ATP9B: variants seen among roughly 807,000 people sequenced by gnomAD.
ATP9B encodes the protein ATPase phospholipid transporting 9B, also known as probable phospholipid-transporting ATPase IIB.
In ATP9B, 110 loss-of-function variants were observed where a neutral mutation model predicts 146.1. That is an observed-to-expected ratio of 0.75 (90% CI 0.65 to 0.88). The LOEUF is 0.88. Ranked by LOEUF, ATP9B falls within the 40% of genes least tolerant of loss-of-function variation. ATP9B has a pLI of 0.00. For synonymous variants in ATP9B, 604 were observed against 569.7 expected (o/e 1.06, Z -0.86); for missense variants, 1,499 against 1,496.4 (o/e 1.00, Z -0.03).
At chr18:79,199,937 C>T (rs1268453013) in intron 9 of ATP9B, among the ~76,000 whole-genome samples, 3 of 152,160 alleles carry the variant, frequency 2.0e-5, no homozygotes, top group Admixed American at 6.5e-5. Flanking sequence ...CTGGCAGAAC[C>T]CTGGAAGGAC....
intron 4 of ATP9B, among the ~76,000 whole-genome samples, chr18:79,121,859 T>C (rs1008559782): frequency 6.6e-6 from 1 of 152,210 alleles, no homozygotes; most frequent in Admixed American, 6.5e-5. Flanking sequence ...GACCTAACCC[T>C]CTTTATTCTG....
intron 11 of ATP9B, among the ~76,000 whole-genome samples, chr18:79,220,963 G>A (rs951086608): frequency 5.3e-5 from 8 of 152,078 alleles, no homozygotes; most frequent in Admixed American, 2.6e-4. Context: ...GTCCTCTCCC[G>A]TTGCCCTCTA....
intron 1 of ATP9B, among the ~76,000 whole-genome samples, chr18:79,070,320 C>T (rs2071577684): frequency 6.6e-6 from 1 of 152,092 alleles, no homozygotes; most frequent in South Asian, 2.1e-4. Flanking sequence ...TTTTTGTTTT[C>T]GGCCATTTGA....
At chr18:79,138,013 T>G (rs977753259) in intron 5 of ATP9B, among the ~76,000 whole-genome samples, 1 of 152,244 alleles carries the variant, frequency 6.6e-6, no homozygotes, top group Non-Finnish European at 1.5e-5. Context: ...GGAGGTTTGC[T>G]GTACTTCTTT....
chr18:79,109,600 C>G (rs1249746968), intron 2 of ATP9B, among the ~76,000 whole-genome samples: 1 of 142,258 alleles, frequency 7.0e-6, no homozygotes, highest in African/African-American at 2.6e-5. Flanking sequence ...GAGACTCACT[C>G]TTTCGCCCAG....
intron 2 of ATP9B, among the ~76,000 whole-genome samples, chr18:79,101,302 T>C (rs536865795): frequency 2.2e-4 from 34 of 152,292 alleles, no homozygotes; most frequent in Non-Finnish European, 4.3e-4. Flanking sequence ...TAACTGAAAT[T>C]ACTCAATATG....
rs2073645392 is a variant in ATP9B, at chr18:79,084,809, T to C, written c.120-11667T>C. On this transcript the variant is annotated intron_variant, in intron 1 of 29. Transcript: ENST00000426216. ...AAGTGGAATTATTTTTATTTCATTA[T>C]AATCATACTACTTTAGGACACAGTG... 2.6e-5 allele frequency among the ~76,000 whole-genome samples: 4 copies of C among 152,344 alleles called. No individual in the cohort carries two copies. The South Asian group carries it at 8.3e-4, about 32-fold the overall frequency.
chr18:79,329,206 G>A lies in ATP9B; in HGVS notation c.1839G>A (p.Met613Ile). ...TGGTCAGCAGGGACCTCACCTCCATGCAGCTGAAGACCCCCAGTGGCCAGG... is the reference window on the plus strand; with the variant it reads ...TGGTCAGCAGGGACCTCACCTCCATACAGCTGAAGACCCCCAGTGGCCAGG... ...LTLVSRDLTS[M>I]QLKTPSGQVL... Residue 613 changes from methionine to isoleucine, a missense_variant, in exon 16 of 30, where the codon ATG becomes ATA. By Grantham distance (10) the Met-to-Ile change is conservative. Transcript: ENST00000426216. The A allele has an allele frequency of 6.2e-7, 1 of 1,612,612 alleles. No homozygotes were observed. The highest frequency in any genetic ancestry group is 2.2e-5 in the East Asian group (1 of 44,858).
At chr18:79,090,514 CTGA>C (rs1568151643) in intron 1 of ATP9B, among the ~76,000 whole-genome samples, 1 of 152,178 alleles carries the variant, frequency 6.6e-6, no homozygotes, top group Admixed American at 6.5e-5. Context: ...TTGCATTTCT[CTGA>C]TGATCAGCGA....
At chr18:79,154,714 C>T (rs559162495) in intron 7 of ATP9B, among the ~76,000 whole-genome samples, 159 bp downstream of exon 7, 2 of 152,292 alleles carry the variant, frequency 1.3e-5, no homozygotes, top group South Asian at 4.1e-4. Context: ...AATGTAAACA[C>T]ATGAAACCTC....
chr18:79,375,376 A>C lies in ATP9B; in HGVS notation c.3275-18A>C. The C allele has an allele frequency of 6.2e-7, 1 of 1,601,346 alleles. No homozygotes were observed. Among genetic ancestry groups the C allele is most frequent in the Non-Finnish European group, 8.5e-7 (1 of 1,169,874 alleles). ...CTTTAATCTGTCCTTTATTTTCTTT[A>C]TTACTGTTTTGGAACAGGTATAGGC... On this transcript the variant is annotated intron_variant, in intron 28 of 29. Transcript: ENST00000426216.
In ATP9B at chr18:79,113,255, A is replaced by AT. The variant is rs752703151; in HGVS notation, c.461dup (p.Lys155GlnfsTer46). The AT allele has an allele frequency of 6.3e-7, 1 of 1,579,954 alleles. No individual in the cohort carries two copies. Among genetic ancestry groups the AT allele is most frequent in the African/African-American group, 1.4e-5 (1 of 73,794 alleles). On this transcript the variant is annotated frameshift_variant, in exon 4 of 30. Coordinates refer to ENST00000426216, the MANE Select transcript of ATP9B (RefSeq NM_198531.5). LOFTEE classifies it high-confidence loss of function. ...TTCCTTTTTAGGTTTTGTATGAACA[A>AT]TTCAAGTTTTTCTTGAATCTCTATT...
chr18:79,200,392 A>G (rs1465600324), intron 9 of ATP9B, among the ~76,000 whole-genome samples: 2 of 152,244 alleles, frequency 1.3e-5, no homozygotes, highest in African/African-American at 2.4e-5. Flanking sequence ...CAATAATTGA[A>G]CAAATGAGTA....
intron 15 of ATP9B, among the ~76,000 whole-genome samples, chr18:79,323,281 C>T (rs867016929): frequency 6.6e-6 from 1 of 152,080 alleles, no homozygotes; most frequent in Non-Finnish European, 1.5e-5. Context: ...CGTTGCTTCG[C>T]GTTAGTAATA....
intron 26 of ATP9B, chr18:79,360,557 C>T (rs2096982045): frequency 6.6e-6 from 1 of 152,216 alleles, no homozygotes; most frequent in Non-Finnish European, 1.5e-5. Context: ...AGACTCTTAT[C>T]CAGCTAACCA....
Position 79,337,260 on chromosome 18 carries a change from C to T in ATP9B, c.2113-19C>T. 6.2e-7 allele frequency: 1 copy of T among 1,613,426 alleles called. No individual in the cohort carries two copies. The highest frequency in any genetic ancestry group is 8.5e-7 in the Non-Finnish European group (1 of 1,179,836). ...GCACGTACACGTGTGCACACAGGCG[C>T]CTCCCCCTCTGTCCCCAGAGCCGAT... is the stretch of plus-strand genomic sequence containing the variant. On this transcript the variant is annotated intron_variant, in intron 18 of 29. Transcript: ENST00000426216.
chr18:79,264,605 A>C (rs1449635868), intron 12 of ATP9B, among the ~76,000 whole-genome samples: 1 of 151,360 alleles, frequency 6.6e-6, no homozygotes, highest in African/African-American at 2.4e-5. Context: ...AAGGAGATGA[A>C]ACTCTCCTCT....
At chr18:79,269,180 G>A (rs73973064) in intron 12 of ATP9B, among the ~76,000 whole-genome samples, 7,965 of 152,240 alleles carry the variant, frequency 0.052, 381 homozygotes, top group African/African-American at 0.12. Context: ...CATGGGGTCA[G>A]GGCTTGGTCG....
In ATP9B at chr18:79,070,423, T is replaced by G. The variant is rs547245947; in HGVS notation, c.119+894T>G. ...GCGATTTACTCTCGGGTAACTTATT[T>G]AAACTCAAGCCATGGTTTCCTCATC... On this transcript the variant is annotated intron_variant, in intron 1 of 29. Coordinates refer to ENST00000426216, the MANE Select transcript of ATP9B (RefSeq NM_198531.5). Among the ~76,000 whole-genome samples, 20 of 152,358 alleles carry G rather than the reference T, an allele frequency of 1.3e-4. No individual in the cohort carries two copies. The East Asian group carries it at 2.7e-3, about 21-fold the overall frequency.
Sources: allele counts gnomAD v4.1 joint callset (sites outside exome capture counted in the v4.1 genomes callset), GRCh38; gene constraint gnomAD v4.1.1; transcripts MANE v1.5; gene names NCBI Gene and HGNC (gene_info 2026-07-23, HGNC 2026-07-21).